Variants in LCT observed in about 807,000 individuals in gnomAD.
The protein encoded by LCT is lactase/phlorizin hydrolase.
In LCT, 90 loss-of-function variants were observed where a neutral mutation model predicts 173.0. The ratio of observed to expected loss-of-function variants is 0.52; its 90% CI spans 0.44 to 0.62. LCT has a LOEUF of 0.62. Ranked by LOEUF, LCT falls within the 20% of genes least tolerant of loss-of-function variation. The pLI is 0.00. For missense variants in LCT, 1,864 were observed against 2,431.4 expected, an observed-to-expected ratio of 0.77 and a Z score of 4.91; for synonymous variants, 853 against 957.6, an observed-to-expected ratio of 0.89 and a Z score of 2.02.
intron 9 of LCT, among the ~76,000 whole-genome samples, chr2:135,806,734 ACTAT>A (rs1177375668): frequency 6.6e-6 from 1 of 152,242 alleles, no homozygotes; most frequent in African/African-American, 2.4e-5. Flanking sequence ...AGTAAGCTAC[ACTAT>A]CTAGGTGTGT....
rs1030706397 is a variant in LCT, at chr2:135,836,604, G to A, written c.566C>T (p.Ala189Val). The change falls in exon 1 of 17, where the codon GCG becomes GTG. Residue 189 changes from alanine (A) to valine (V), a missense_variant. Ala to Val is a moderately conservative substitution (Grantham distance 64, BLOSUM62 0). Transcript: ENST00000264162. Reference protein sequence around the residue: ...IKELPHQESRASQLQTLSDAH... With the variant: ...IKELPHQESRVSQLQTLSDAH... Reference sequence around the variant, plus strand: ...ATCACTGAGGGTCTGGAGTTGTGACGCTCTTGATTCCTGGTGGGGAAGCTC... The same window carrying A: ...ATCACTGAGGGTCTGGAGTTGTGACACTCTTGATTCCTGGTGGGGAAGCTC... The A allele has an allele frequency of 6.2e-7, 1 of 1,613,652 alleles. No homozygotes were observed. Among genetic ancestry groups the A allele is most frequent in the African/African-American group, 1.3e-5 (1 of 74,920 alleles).
rs868727079 is a variant in LCT, at chr2:135,808,635, G to A, written c.3712C>T (p.Pro1238Ser). 6.2e-7 allele frequency: 1 copy of A among 1,614,102 alleles called. No individual in the cohort carries two copies. Among genetic ancestry groups the A allele is most frequent in the Non-Finnish European group, 8.5e-7 (1 of 1,180,052 alleles). ...DDQEMAEEED[P>S]SWPSTAMNRA... Reference sequence around the variant, plus strand: ...TTCATTGCCGTGGAAGGCCACGAAGGGTCCTCCTCCTCAGCCATCTCCTGG... The same window carrying A: ...TTCATTGCCGTGGAAGGCCACGAAGAGTCCTCCTCCTCAGCCATCTCCTGG... Residue 1238 changes from proline to serine, a missense_variant, in exon 8 of 17, where the codon CCT becomes TCT. Physicochemically the swap from Pro to Ser is moderately conservative, Grantham distance 74. Transcript: ENST00000264162.
chr2:135,820,229 T>C (rs1162807778), intron 5 of LCT: 4 of 152,232 alleles, frequency 2.6e-5, no homozygotes, highest in Non-Finnish European at 5.9e-5. Flanking sequence ...GTCCGTTTAA[T>C]GTAAGCCTGT....
In LCT at chr2:135,809,669, A is replaced by G; in HGVS notation, c.2678T>C (p.Phe893Ser). Reference sequence around the variant, plus strand: ...CCCGTGGTAGAACAAATCTCTTTCGAACTTGGGTTGGCTGGAGAACTTTTC... The same window carrying G: ...CCCGTGGTAGAACAAATCTCTTTCGGACTTGGGTTGGCTGGAGAACTTTTC... ...VWEKFSSQPK[F>S]ERDLFYHGTF... is the part of the protein sequence containing the mutation. The change falls in exon 8 of 17, where the codon TTC (phenylalanine) becomes TCC (serine). Residue 893 changes from phenylalanine (F) to serine (S), a missense_variant. Physicochemically the swap from Phe to Ser is radical, Grantham distance 155. This residue lies in a region of LCT where 755 missense variants were observed against 926.3 expected (regional missense o/e 0.82). Transcript: ENST00000264162. This position sits in a 1 kb window ranked among gnomAD's most constrained non-coding sequence, Gnocchi z 5.5. The G allele has an allele frequency of 1.9e-6, 3 of 1,614,198 alleles. No homozygotes were observed. Among genetic ancestry groups the G allele is most frequent in the Non-Finnish European group, 2.5e-6 (3 of 1,180,034 alleles).
intron 3 of LCT, among the ~76,000 whole-genome samples, chr2:135,825,144 C>CT (rs1217166431): frequency 1.3e-5 from 2 of 152,096 alleles, no homozygotes; most frequent in Non-Finnish European, 2.9e-5. Flanking sequence ...TTTAAATTAC[C>CT]TTTTTTGCGG....
At chr2:135,799,006 C>G (rs1041644869) in intron 12 of LCT, among the ~76,000 whole-genome samples, 2 of 152,294 alleles carry the variant, frequency 1.3e-5, no homozygotes, top group African/African-American at 4.8e-5. Context: ...ATATGACAGC[C>G]TAACGTTTCC....
chr2:135,798,270 C>A, intron 12 of LCT, 132 bp from the exon 13 acceptor site: 1 of 707,612 alleles, frequency 1.4e-6, no homozygotes, highest in Non-Finnish European at 2.6e-6. Context: ...AAGCTCTCTT[C>A]CCTGTGGCTC....
chr2:135,816,692 C>A (rs1278407072), intron 6 of LCT, among the ~76,000 whole-genome samples: 1 of 152,164 alleles, frequency 6.6e-6, no homozygotes, highest in African/African-American at 2.4e-5. Flanking sequence ...GATTTGGAGT[C>A]AAGAAGACTC....
chr2:135,834,464 C>T (rs1277567465), intron 1 of LCT, among the ~76,000 whole-genome samples: 3 of 148,306 alleles, frequency 2.0e-5, no homozygotes, highest in Non-Finnish European at 1.5e-5. Flanking sequence ...GGATTACAAG[C>T]GTGAACCACC....
chr2:135,800,785 G>A lies in LCT; in HGVS notation c.4688C>T (p.Ala1563Val), dbSNP rs755411378. Residue 1563 changes from alanine to valine, a missense_variant, in exon 12 of 17, where the codon GCC (alanine) becomes GTC (valine). Transcript: ENST00000264162. Reference sequence around the variant, plus strand: ...TAGATTGTGGCCAACAATGTAGGGGGCAGTGCCAGGCCTATTGGAGACTCC... The same window carrying A: ...TAGATTGTGGCCAACAATGTAGGGGACAGTGCCAGGCCTATTGGAGACTCC... ...APGVSNRPGT[A>V]PYIVGHNLIK... The A allele has an allele frequency of 1.2e-6, 2 of 1,613,992 alleles. No homozygotes were observed. The highest frequency in any genetic ancestry group is 1.1e-5 in the South Asian group (1 of 91,076).
At chr2:135,825,205 A>T (rs1363813967) in intron 3 of LCT, among the ~76,000 whole-genome samples, 1 of 152,118 alleles carries the variant, frequency 6.6e-6, no homozygotes, top group Non-Finnish European at 1.5e-5. Flanking sequence ...TCCTCTGAGC[A>T]ACTAAAAGCT....
chr2:135,804,019 C>T lies in LCT; in HGVS notation c.4574G>A (p.Arg1525Lys). The T allele has an allele frequency of 6.2e-7, 1 of 1,612,944 alleles. No homozygotes were observed. Among genetic ancestry groups the T allele is most frequent in the Non-Finnish European group, 8.5e-7 (1 of 1,179,036 alleles). The change falls in exon 11 of 17, where the codon AGG becomes AAG. Residue 1525 changes from arginine (R) to lysine (K), a missense_variant. By Grantham distance (26) the Arg-to-Lys change is conservative. Around this residue, in one of 4 missense-constraint regions of LCT, gnomAD observed 514 missense variants for 750.1 expected, o/e 0.69. Transcript: ENST00000264162. Reference protein sequence around the residue: ...FKEYADVLFQRLGDKVKFWIT... With the variant: ...FKEYADVLFQKLGDKVKFWIT... ...CCAAAACTTCACCTTGTCTCCCAGC[C>T]TCTGGAAGAGCACATCTGCATACTC... is the stretch of plus-strand genomic sequence containing the variant.
intron 13 of LCT, among the ~76,000 whole-genome samples, chr2:135,795,045 GCACA>G (rs1553651428): frequency 2.0e-5 from 3 of 149,824 alleles, no homozygotes; most frequent in African/African-American, 7.4e-5. Context: ...GCGCGCGCGC[GCACA>G]CACACACACA....
intron 16 of LCT, among the ~76,000 whole-genome samples, chr2:135,788,879 C>G (rs1447821276): frequency 6.6e-6 from 1 of 151,934 alleles, no homozygotes; most frequent in Non-Finnish European, 1.5e-5. Context: ...GGGATGGGAC[C>G]CAGGTCTAAA....
chr2:135,833,083 T>C, intron 2 of LCT, 28 bp downstream of exon 2: 1 of 1,527,746 alleles, frequency 6.5e-7, no homozygotes. Flanking sequence ...CCTCAGATGT[T>C]ACAGGTATAT....
In LCT at chr2:135,809,315, T is replaced by C; in HGVS notation, c.3032A>G (p.Asn1011Ser). 1.9e-6 allele frequency: 3 copies of C among 1,614,238 alleles called. No individual in the cohort carries two copies. The highest frequency in any genetic ancestry group is 2.2e-5 in the South Asian group (2 of 91,092). Residue 1011 changes from asparagine to serine, a missense_variant, in exon 8 of 17, where the codon AAC becomes AGC. By Grantham distance (46) the Asn-to-Ser change is conservative (BLOSUM62 1). This residue lies in a region of LCT where 755 missense variants were observed against 926.3 expected (regional missense o/e 0.82). Coordinates refer to ENST00000264162, the MANE Select transcript of LCT (RefSeq NM_002299.4). The surrounding 1 kb of genome is among the most constrained non-coding windows in gnomAD (Gnocchi z 5.5). ...GAACAATGTCACCATGGGAAAGATG[T>C]TGCTTGCCACCAAGCCATTGATCAG... ...NRLINGLVAS[N>S]IFPMVTLFHW... is the part of the protein sequence containing the mutation.
chr2:135,788,664 G>A (rs1325433808), intron 16 of LCT, 120 bp from the exon 17 acceptor site: 10 of 737,002 alleles, frequency 1.4e-5, no homozygotes, highest in Admixed American at 1.9e-5. Flanking sequence ...ACGGGATGCC[G>A]AGGTGGAGGT....
chr2:135,789,345 C>A (rs1470894041), intron 16 of LCT, among the ~76,000 whole-genome samples: 1 of 152,198 alleles, frequency 6.6e-6, no homozygotes, highest in Non-Finnish European at 1.5e-5. Flanking sequence ...CCTGCTTATT[C>A]CCAGGTCAGG....
intron 3 of LCT, among the ~76,000 whole-genome samples, chr2:135,825,798 C>T (rs950838174): frequency 1.3e-5 from 2 of 152,198 alleles, no homozygotes; most frequent in African/African-American, 4.8e-5. Flanking sequence ...GTGCCTGCTC[C>T]TCCCTGCCCT....
Sources: allele counts gnomAD v4.1 joint callset (sites outside exome capture counted in the v4.1 genomes callset), GRCh38; gene constraint gnomAD v4.1.1; regional missense constraint gnomAD v4.1.1; non-coding constraint Gnocchi (gnomAD v3.1); transcripts MANE v1.5; gene names NCBI Gene and HGNC (gene_info 2026-07-23, HGNC 2026-07-21).